Variants in COL22A1 observed in about 807,000 individuals in gnomAD.
The protein encoded by COL22A1 is collagen type XXII alpha 1 chain, also known as collagen alpha-1(XXII) chain.
A neutral mutation model predicts 248.9 loss-of-function variants in COL22A1; 221 were observed. That is an observed-to-expected ratio of 0.89 (90% CI 0.80 to 0.99). COL22A1 has a LOEUF of 0.99. Among genes scored for constraint, COL22A1 ranks in the 50% least tolerant of loss-of-function variants. The pLI, the probability that COL22A1 is intolerant of heterozygous loss-of-function variation, is 0.00. For synonymous variants in COL22A1, 891 were observed against 793.4 expected, an observed-to-expected ratio of 1.12 and a Z score of -2.07; for missense variants, 2,240 against 2,179.0, an observed-to-expected ratio of 1.03 and a Z score of -0.56.
Position 138,616,953 on chromosome 8 carries a change from G to T in COL22A1, c.3831C>A (p.Phe1277Leu). The change falls in exon 54 of 65, where the codon TTC becomes TTA. Residue 1277 changes from phenylalanine to leucine, a missense_variant. Physicochemically the swap from Phe to Leu is conservative, Grantham distance 22. Transcript: ENST00000303045. ...GPEGARGPPG[F>L]KGHTGDSGAP... Reference sequence around the variant, plus strand: ...CACCAGAATCGCCTGTGTGTCCCTTGAAGCCCTAGAAGGAAGAGAATGGAG... The same window carrying T: ...CACCAGAATCGCCTGTGTGTCCCTTTAAGCCCTAGAAGGAAGAGAATGGAG... 1 of 1,614,200 alleles carries T rather than the reference G, an allele frequency of 6.2e-7. No individual in the cohort carries two copies. Among genetic ancestry groups the T allele is most frequent in the Non-Finnish European group, 8.5e-7 (1 of 1,180,032 alleles).
chr8:138,591,745 AAC>A lies in COL22A1; in HGVS notation c.4616-246_4616-245del, dbSNP rs1817072232. Among the ~76,000 whole-genome samples the A allele has an allele frequency of 2.0e-5, 3 of 152,024 alleles. 1 individual carries two copies. The highest frequency in any genetic ancestry group is 4.8e-5 in the African/African-American group (2 of 41,374). On this transcript the variant is annotated intron_variant, in intron 63 of 64. Transcript: ENST00000303045. ...GCACATGGAATCACCAAAATAAACA[AAC>A]ACTCCCTCCTAAACACATATCTACA...
chr8:138,693,699 C>T lies in COL22A1; in HGVS notation c.2701G>A (p.Gly901Ser). 1 of 1,571,660 alleles carries T rather than the reference C, an allele frequency of 6.4e-7. No homozygotes were observed. The highest frequency in any genetic ancestry group is 8.6e-7 in the Non-Finnish European group (1 of 1,157,914). Reference sequence around the variant, plus strand: ...TGTGCACCTTCCTGTCCCTTGGCACCCTGCACAGGAAATAAAAGAGGGGCG... The same window carrying T: ...TGTGCACCTTCCTGTCCCTTGGCACTCTGCACAGGAAATAAAAGAGGGGCG... Reference protein sequence around the residue: ...LGPQGPTGPPGAKGQEGAHGA... With the variant: ...LGPQGPTGPPSAKGQEGAHGA... Residue 901 changes from glycine to serine, a missense_variant and splice_region_variant, in exon 35 of 65, where the codon GGT becomes AGT. Physicochemically the swap from Gly to Ser is moderately conservative, Grantham distance 56. Transcript: ENST00000303045.
At chr8:138,597,572 G>A (rs1245889670) in intron 61 of COL22A1, among the ~76,000 whole-genome samples, 1 of 152,184 alleles carries the variant, frequency 6.6e-6, no homozygotes, top group Non-Finnish European at 1.5e-5. Flanking sequence ...AGAGTGGTAT[G>A]TGATTCTTAG....
intron 44 of COL22A1, among the ~76,000 whole-genome samples, chr8:138,658,638 C>T (rs72727860): frequency 0.023 from 3,457 of 152,296 alleles, 61 homozygotes; most frequent in Middle Eastern, 0.048. Context: ...CCTTCCTGTG[C>T]ACCTTTTTCC....
Position 138,636,732 on chromosome 8 carries a change from A to G in COL22A1, c.3555+10T>C. The G allele has an allele frequency of 6.2e-7, 1 of 1,609,176 alleles. No homozygotes were observed. Among genetic ancestry groups the G allele is most frequent in the East Asian group, 2.2e-5 (1 of 44,830 alleles). On this transcript the variant is annotated intron_variant, in intron 48 of 64. Transcript: ENST00000303045. ...CAGGGTGAATGGTTCCTTATAAAGT[A>G]AATTTTTACCTGATCACCTTTCTGC...
intron 3 of COL22A1, among the ~76,000 whole-genome samples, chr8:138,854,753 T>C (rs1174000623): frequency 6.6e-6 from 1 of 152,174 alleles, no homozygotes; most frequent in Admixed American, 6.5e-5. Context: ...TGTCTTTGTC[T>C]TCTCATAGAG....
At chr8:138,711,229 A>C (rs1828938915) in intron 30 of COL22A1, among the ~76,000 whole-genome samples, 1 of 152,198 alleles carries the variant, frequency 6.6e-6, no homozygotes, top group African/African-American at 2.4e-5. Flanking sequence ...AGCATCACAC[A>C]CACCCTTCCC....
intron 22 of COL22A1, among the ~76,000 whole-genome samples, chr8:138,740,815 C>T (rs1257590801): frequency 6.6e-6 from 1 of 152,118 alleles, no homozygotes; most frequent in East Asian, 1.9e-4. Context: ...TCCAGAGAAG[C>T]CTCAGGGTAA....
intron 40 of COL22A1, 25 bp from the exon 41 acceptor site, chr8:138,676,660 A>G: frequency 1.3e-6 from 2 of 1,512,362 alleles, no homozygotes; most frequent in Non-Finnish European, 1.8e-6. Context: ...AAATAAGATC[A>G]AGGAGGTCAG....
In COL22A1 at chr8:138,700,130, T is replaced by C. The variant is rs747080188; in HGVS notation, c.2574A>G (p.Thr858=). The C allele has an allele frequency of 1.9e-6, 3 of 1,613,588 alleles. No homozygotes were observed. In the South Asian group the frequency reaches 3.3e-5, roughly 18 times the overall value. The part of the protein sequence containing the change: ...PGLPGTTSLF[T]PHPRMPGEQG... Reference sequence around the variant, plus strand: ...TACTTACGGGCATCCGTGGATGTGGTGTGAACAGGGATGTCTGAAAAGGAA... The same window carrying C: ...TACTTACGGGCATCCGTGGATGTGGCGTGAACAGGGATGTCTGAAAAGGAA... Residue 858 remains threonine (T), a synonymous_variant, in exon 32 of 65, where the codon ACA becomes ACG. Transcript: ENST00000303045.
At chr8:138,625,761 C>T (rs552816335) in intron 51 of COL22A1, among the ~76,000 whole-genome samples, 13 of 152,118 alleles carry the variant, frequency 8.5e-5, no homozygotes, top group South Asian at 6.2e-4. Flanking sequence ...GCATCCATTG[C>T]GTCTATTAAA....
At chr8:138,749,812 C>T (rs752947222) in intron 22 of COL22A1, among the ~76,000 whole-genome samples, 39 of 152,292 alleles carry the variant, frequency 2.6e-4, no homozygotes, top group Non-Finnish European at 5.3e-4. Flanking sequence ...CTTTGACCCA[C>T]CTGACTGCCT....
chr8:138,651,817 G>A (rs1822762531), intron 45 of COL22A1, among the ~76,000 whole-genome samples: 1 of 152,180 alleles, frequency 6.6e-6, no homozygotes, highest in African/African-American at 2.4e-5. Context: ...CTTAAAGGGT[G>A]CCCTGGTGAT....
At chr8:138,622,804 C>T (rs943629173) in intron 52 of COL22A1, among the ~76,000 whole-genome samples, 6 of 152,124 alleles carry the variant, frequency 3.9e-5, no homozygotes, top group East Asian at 1.9e-4. Flanking sequence ...CATCCTCATT[C>T]GTTCTGACAG....
chr8:138,810,685 C>T (rs530920690), intron 9 of COL22A1, among the ~76,000 whole-genome samples: 10 of 152,198 alleles, frequency 6.6e-5, no homozygotes, highest in African/African-American at 2.2e-4. Flanking sequence ...CTGTACCTCA[C>T]GGTCTGGCTT....
chr8:138,636,682 C>G, intron 48 of COL22A1, 60 bp downstream of exon 48: 1 of 1,260,388 alleles, frequency 7.9e-7, no homozygotes, highest in East Asian at 2.3e-5. Flanking sequence ...ATGGAAGCCA[C>G]CTGGGAGAAA....
intron 3 of COL22A1, among the ~76,000 whole-genome samples, chr8:138,873,344 C>G (rs111918508): frequency 2.1e-5 from 3 of 145,462 alleles, no homozygotes; most frequent in African/African-American, 7.6e-5. Context: ...TTTTCTTTGG[C>G]GGGGGTGGGG....
chr8:138,634,129 A>G (rs750554866), intron 49 of COL22A1, among the ~76,000 whole-genome samples: 5 of 152,230 alleles, frequency 3.3e-5, no homozygotes, highest in Admixed American at 1.3e-4. Flanking sequence ...AACTTAACTT[A>G]TTCCACTAAT....
intron 63 of COL22A1, 64 bp from the exon 64 acceptor site, chr8:138,591,565 C>T (rs1269301396): frequency 1.5e-6 from 2 of 1,334,242 alleles, no homozygotes; most frequent in Middle Eastern, 1.9e-4. Context: ...ACTGGGCGTC[C>T]CACCTTGCGG....
Sources: allele counts gnomAD v4.1 joint callset (sites outside exome capture counted in the v4.1 genomes callset), GRCh38; gene constraint gnomAD v4.1.1; transcripts MANE v1.5; gene names NCBI Gene and HGNC (gene_info 2026-07-23, HGNC 2026-07-21).